The following PPWD1 variants were observed in gnomAD, a reference collection of about 807,000 sequenced individuals.
The protein encoded by PPWD1 is peptidylprolyl isomerase domain and WD repeat-containing protein 1.
PPWD1 carries 43 observed loss-of-function variants against 68.8 expected under a neutral mutation model. The observed-to-expected ratio is 0.62, with a 90% CI of 0.49 to 0.81. The LOEUF (loss-of-function observed/expected upper bound fraction) is 0.81, where lower values mean the gene tolerates loss of function less well. PPWD1 is among the 30% of genes least tolerant of loss of function. PPWD1 has a pLI of 0.00. For missense variants in PPWD1, 672 were observed against 804.8 expected (o/e 0.83, Z 2.00); for synonymous variants, 232 against 258.7 (o/e 0.90, Z 0.99).
intron 4 of PPWD1, 94 bp from the exon 5 acceptor site, chr5:65,571,745 C>T: frequency 2.0e-6 from 3 of 1,506,648 alleles, no homozygotes; most frequent in Non-Finnish European, 2.6e-6. Context: ...CTGTCTAAAT[C>T]ACCAGCCAAG....
chr5:65,567,657 T>TTA, intron 2 of PPWD1, 42 bp downstream of exon 2: 1 of 1,359,874 alleles, frequency 7.4e-7, no homozygotes, highest in Non-Finnish European at 9.7e-7. Context: ...TGAGTTTATT[T>TTA]AAAAAAAAAA....
At chr5:65,573,467 AT>A (rs1753108241) in intron 5 of PPWD1, among the ~76,000 whole-genome samples, 1 of 56,636 alleles carries the variant, frequency 1.8e-5, no homozygotes, top group Admixed American at 1.6e-4. Flanking sequence ...TAATATATAT[AT>A]ATATATATTT....
At chr5:65,567,738 C>T (rs1752841887) in intron 2 of PPWD1, 123 bp downstream of exon 2, 2 of 1,360,988 alleles carry the variant, frequency 1.5e-6, no homozygotes, top group Admixed American at 3.0e-5. Context: ...TTCTTAAGTT[C>T]TGAAATAAAG....
rs185278807 is a variant in PPWD1, at chr5:65,569,092, A to T, written c.300-540A>T. ...AAATTAACTAAGGTAATATGTACAA[A>T]GTACCTGACATATACTGGGTTTCCA... On this transcript the variant is annotated intron_variant, in intron 2 of 10. Transcript: ENST00000261308. 2,589 of 449,114 alleles carry T rather than the reference A, an allele frequency of 5.8e-3. 61 individuals carry two copies. The highest frequency in any genetic ancestry group is 0.048 in the African/African-American group (2,375 of 49,824). 27.8% of individuals were successfully genotyped at this position (449,114 alleles called of 1,614,324 possible).
intron 5 of PPWD1, among the ~76,000 whole-genome samples, chr5:65,574,401 C>G (rs1052028829): frequency 2.6e-5 from 4 of 151,278 alleles, no homozygotes; most frequent in African/African-American, 9.7e-5. Flanking sequence ...CTTCCAAGAT[C>G]CCTTAGGCAA....
rs1228274947 is a variant in PPWD1 at position 65,578,849 on chromosome 5, T to C, written c.1161-575T>C. The stretch of plus-strand genomic sequence containing the variant: ...TTTTAAAAAAAGAGTTTTTTATATA[T>C]TTTGGATAACAGTCCTTTATGAGCC... On this transcript the variant is annotated intron_variant, in intron 6 of 10. Transcript: ENST00000261308. Among the ~76,000 whole-genome samples, 4 of 150,926 alleles carry C rather than the reference T, an allele frequency of 2.7e-5. No homozygotes were observed. In the East Asian group the frequency reaches 7.7e-4, roughly 29 times the overall value.
Position 65,572,075 on chromosome 5 carries a change from C to G in PPWD1, c.758C>G (p.Pro253Arg). The G allele has an allele frequency of 6.2e-7, 1 of 1,613,622 alleles. No homozygotes were observed. The highest frequency in any genetic ancestry group is 8.5e-7 in the Non-Finnish European group (1 of 1,179,592). Residue 253 changes from proline (P) to arginine (R), a missense_variant, in exon 5 of 11, where the codon CCT becomes CGT. This residue lies in a region of PPWD1 where 484 missense variants were observed against 646.2 expected (regional missense o/e 0.75). Coordinates refer to ENST00000261308, the MANE Select transcript of PPWD1 (RefSeq NM_015342.4). ...KSGMIEYWTG[P>R]PHEYKFPKNV... ...GGGATGATTGAATACTGGACTGGGC[C>G]TCCTCATGAATATAAATTCCCCAAA...
intron 6 of PPWD1, among the ~76,000 whole-genome samples, chr5:65,578,915 T>G (rs1184551454): frequency 6.6e-6 from 1 of 151,760 alleles, no homozygotes; most frequent in Non-Finnish European, 1.5e-5. Context: ...TGATTGGTTT[T>G]TTGTTGTTGT....
intron 5 of PPWD1, among the ~76,000 whole-genome samples, chr5:65,575,502 A>T (rs1197626401): frequency 6.6e-6 from 1 of 152,214 alleles, no homozygotes; most frequent in East Asian, 1.9e-4. Context: ...TTCTAACCTT[A>T]TCTAGAAAAC....
intron 4 of PPWD1, among the ~76,000 whole-genome samples, chr5:65,570,975 A>G (rs529417218): frequency 6.6e-6 from 1 of 152,306 alleles, no homozygotes; most frequent in African/African-American, 2.4e-5. Flanking sequence ...TTATGACTTT[A>G]TGAGCCACTA....
rs371819967 is a variant in PPWD1 at position 65,585,135 on chromosome 5, A to C, written c.1614+40A>C. Reference sequence around the variant, plus strand: ...TTTCATGTCATATAAGAAATACTGTATTATTACATAGCAAGAGATTTAAGC... The same window carrying C: ...TTTCATGTCATATAAGAAATACTGTCTTATTACATAGCAAGAGATTTAAGC... On this transcript the variant is annotated intron_variant, in intron 9 of 10. Coordinates refer to ENST00000261308, the MANE Select transcript of PPWD1 (RefSeq NM_015342.4). 7.5e-5 allele frequency: 116 copies of C among 1,536,444 alleles called. No homozygotes were observed. In the African/African-American group the frequency reaches 1.4e-3, roughly 18 times the overall value.
intron 2 of PPWD1, chr5:65,567,829 G>C (rs1431209372): frequency 3.4e-6 from 3 of 890,598 alleles, no homozygotes; most frequent in Non-Finnish European, 4.4e-6. Context: ...TGTCTTTGGA[G>C]ATAAATGCCA....
chr5:65,576,528 C>A, intron 5 of PPWD1: 1 of 240,896 alleles, frequency 4.2e-6, no homozygotes. Context: ...AGGCACACAT[C>A]ACCATGCCCG....
chr5:65,570,603 G>T (rs1752968766), intron 4 of PPWD1, among the ~76,000 whole-genome samples: 1 of 151,886 alleles, frequency 6.6e-6, no homozygotes, highest in Non-Finnish European at 1.5e-5. Flanking sequence ...CCATAGACTA[G>T]GTGACTTAAA....
chr5:65,572,020 T>G lies in PPWD1; in HGVS notation c.703T>G (p.Tyr235Asp). 2.5e-6 allele frequency: 4 copies of G among 1,614,114 alleles called. No homozygotes were observed. The highest frequency in any genetic ancestry group is 3.4e-6 in the Non-Finnish European group (4 of 1,179,954). ...TACTCAGATACGGCTAAACCCAGTT[T>G]ACAAAGCAGTAGTGTCTTCTGACAA... is the stretch of plus-strand genomic sequence containing the variant. Reference protein sequence around the residue: ...PLTQIRLNPVYKAVVSSDKSG... With the variant: ...PLTQIRLNPVDKAVVSSDKSG... Residue 235 changes from tyrosine to aspartate, a missense_variant, in exon 5 of 11, where the codon TAC becomes GAC. Coordinates refer to ENST00000261308, the MANE Select transcript of PPWD1 (RefSeq NM_015342.4).
chr5:65,566,743 C>T (rs1261173041), intron 1 of PPWD1, among the ~76,000 whole-genome samples: 4 of 151,608 alleles, frequency 2.6e-5, no homozygotes, highest in Non-Finnish European at 4.4e-5. Flanking sequence ...TCTTCTCTCC[C>T]TCCCTCCCTT....
At chr5:65,577,162 A>C (rs1753337811) in intron 6 of PPWD1, 93 bp downstream of exon 6, 1 of 1,467,798 alleles carries the variant, frequency 6.8e-7, no homozygotes, top group Non-Finnish European at 9.0e-7. Context: ...GTTTGTTCCA[A>C]GAAAAGTGGA....
intron 5 of PPWD1, among the ~76,000 whole-genome samples, chr5:65,573,030 G>C (rs1239940998): frequency 6.6e-6 from 1 of 152,152 alleles, no homozygotes; most frequent in African/African-American, 2.4e-5. Flanking sequence ...ATCAAGACCA[G>C]AGTCATGGCT....
chr5:65,578,749 C>CACATATATGTGTATATATATATAT (rs1208665205), intron 6 of PPWD1, among the ~76,000 whole-genome samples: 1 of 123,906 alleles, frequency 8.1e-6, no homozygotes, highest in African/African-American at 3.2e-5. Context: ...TATATATACA[C>CACATATATGTGTATATATATATAT]ACATATATGT....
Sources: allele counts gnomAD v4.1 joint callset (sites outside exome capture counted in the v4.1 genomes callset), GRCh38; gene constraint gnomAD v4.1.1; regional missense constraint gnomAD v4.1.1; transcripts MANE v1.5; gene names NCBI Gene and HGNC (gene_info 2026-07-23, HGNC 2026-07-21).